Variants in PTAR1 observed in about 807,000 individuals in gnomAD.
PTAR1 encodes protein prenyltransferase alpha subunit repeat containing 1, also known as protein prenyltransferase alpha subunit repeat-containing protein 1.
In PTAR1, 17 loss-of-function variants were observed where a neutral mutation model predicts 45.5. The ratio of observed to expected loss-of-function variants is 0.37; its 90% CI spans 0.26 to 0.56. PTAR1 has a LOEUF of 0.56. Ranked by LOEUF, PTAR1 falls within the 20% of genes least tolerant of loss-of-function variation. PTAR1 has a pLI of 0.77. For synonymous variants in PTAR1, 169 were observed against 171.3 expected (o/e 0.99, Z 0.11); for missense variants, 391 against 476.3 (o/e 0.82, Z 1.67).
rs146068758 is a variant in PTAR1 at position 69,745,447 on chromosome 9, G to A, written c.257-3589C>T. Among the ~76,000 whole-genome samples the A allele has an allele frequency of 4.7e-4, 71 of 152,272 alleles. No individual in the cohort carries two copies. In the East Asian group the frequency reaches 0.013, roughly 29 times the overall value. On this transcript the variant is annotated intron_variant, in intron 2 of 7. Coordinates refer to ENST00000340434, the MANE Select transcript of PTAR1 (RefSeq NM_001099666.2). The stretch of plus-strand genomic sequence containing the variant: ...GACCAATGGTAGCTGCTATTTGTTT[G>A]TACTTCTAACACAATTTCCTTCCTC...
chr9:69,723,338 A>G lies in PTAR1; in HGVS notation c.935T>C (p.Leu312Pro). ...TCCCTTTTCTTACCTATGACACCAA[A>G]GGGTTTCATGTCCTGGGTAGGAATC... The part of the protein sequence containing the change: ...LIDSYPGHET[L>P]WCHRRHIFYL... Residue 312 changes from leucine (L) to proline (P), a missense_variant, in exon 6 of 8, where the codon CTT becomes CCT. This residue lies in a region of PTAR1 where 181 missense variants were observed against 227.7 expected (regional missense o/e 0.80). Transcript: ENST00000340434. 2 of 1,613,166 alleles carry G rather than the reference A, an allele frequency of 1.2e-6. No individual in the cohort carries two copies.
chr9:69,741,023 C>A (rs1260471315), intron 3 of PTAR1, among the ~76,000 whole-genome samples: 1 of 152,110 alleles, frequency 6.6e-6, no homozygotes, highest in Admixed American at 6.5e-5. Context: ...ATTTCAAGGG[C>A]TCAATAGCCA....
At chr9:69,730,685 T>C (rs187636372) in intron 5 of PTAR1, among the ~76,000 whole-genome samples, 6 of 150,496 alleles carry the variant, frequency 4.0e-5, no homozygotes, top group East Asian at 1.9e-4. Flanking sequence ...TTTGTAATTG[T>C]TGGTCTACTT....
At chr9:69,743,457 T>C (rs183295186) in intron 2 of PTAR1, among the ~76,000 whole-genome samples, 5 of 152,314 alleles carry the variant, frequency 3.3e-5, no homozygotes, top group Non-Finnish European at 4.4e-5. Flanking sequence ...TTTTATTCTA[T>C]CTTAATAGGA....
chr9:69,741,318 G>GTTT (rs1331697986), intron 3 of PTAR1, among the ~76,000 whole-genome samples: 1 of 152,058 alleles, frequency 6.6e-6, no homozygotes, highest in African/African-American at 2.4e-5. Flanking sequence ...ACCTAAATCT[G>GTTT]TTTCTCTTCC....
chr9:69,750,644 GGTTAGCACCCACCGAGACAGT>G (rs1451267521), intron 2 of PTAR1, 116 bp downstream of exon 2: 1 of 610,088 alleles, frequency 1.6e-6, no homozygotes, highest in East Asian at 2.9e-5. Context: ...TTGACAGAAA[GGTTAGCACCCACCGAGACAGT>G]GAACAGAAGA....
At position 69,729,705 on chromosome 9, in the gene PTAR1, C is replaced by T. The variant is rs147622498; in HGVS notation, c.642+2434G>A. Among the ~76,000 whole-genome samples, 340 of 152,268 alleles carry T rather than the reference C, an allele frequency of 2.2e-3. 2 individuals carry two copies. Among genetic ancestry groups the T allele is most frequent in the African/African-American group, 7.8e-3 (325 of 41,556 alleles). On this transcript the variant is annotated intron_variant, in intron 5 of 7. Coordinates refer to ENST00000340434, the MANE Select transcript of PTAR1 (RefSeq NM_001099666.2). ...AGGCTAAGCAACTTCCTCAAGGCTA[C>T]ACAGCAAATTGGTGGTAAAGCCAGA... is the stretch of plus-strand genomic sequence containing the variant.
intron 5 of PTAR1, among the ~76,000 whole-genome samples, chr9:69,730,461 C>A (rs924784566): frequency 4.6e-5 from 7 of 151,100 alleles, no homozygotes; most frequent in African/African-American, 1.5e-4. Context: ...TCCTTTTTAT[C>A]CCCAATCCTC....
At chr9:69,746,534 G>A (rs933850612) in intron 2 of PTAR1, among the ~76,000 whole-genome samples, 3 of 152,048 alleles carry the variant, frequency 2.0e-5, no homozygotes, top group Non-Finnish European at 2.9e-5. Context: ...TCAACAATAC[G>A]CCATTTCCTC....
intron 1 of PTAR1, 38 bp downstream of exon 1, chr9:69,759,815 C>T (rs1461144077): frequency 2.0e-6 from 3 of 1,505,428 alleles, no homozygotes; most frequent in Non-Finnish European, 2.7e-6. Flanking sequence ...CCGCCCGCTC[C>T]CGACGACCCT....
At position 69,712,318 on chromosome 9, in the gene PTAR1, T is replaced by C. The variant is rs1039603621; in HGVS notation, c.*6024A>G. 6.6e-6 allele frequency: 1 copy of C among 152,118 alleles called. No individual in the cohort carries two copies. Among genetic ancestry groups the C allele is most frequent in the Admixed American group, 6.6e-5 (1 of 15,258 alleles). 9.4% of individuals were successfully genotyped at this position (152,118 alleles called of 1,614,324 possible). On this transcript the variant is annotated 3_prime_UTR_variant, in exon 8 of 8. Transcript: ENST00000340434. ...TAACTATCTGGTTAATTTGGGCAAA[T>C]GAGCACTTGTGTTTGGTTTCTAACT...
At chr9:69,737,685 C>G (rs1393371175) in intron 3 of PTAR1, among the ~76,000 whole-genome samples, 2 of 152,114 alleles carry the variant, frequency 1.3e-5, no homozygotes, top group Admixed American at 1.3e-4. Context: ...TAAAAACTAC[C>G]ATGTATTGAA....
At chr9:69,720,219 A>G (rs1824931265) in intron 6 of PTAR1, among the ~76,000 whole-genome samples, 1 of 152,190 alleles carries the variant, frequency 6.6e-6, no homozygotes, top group Admixed American at 6.5e-5. Flanking sequence ...AAAGTTTTTG[A>G]AGGAAATTAA....
At chr9:69,757,972 C>T (rs1826867491) in intron 1 of PTAR1, 1 of 152,060 alleles carries the variant, frequency 6.6e-6, no homozygotes, top group South Asian at 2.1e-4. Context: ...ATGTTTAAGA[C>T]CTATATTACA....
intron 4 of PTAR1, among the ~76,000 whole-genome samples, chr9:69,732,671 G>GGT (rs910920500): frequency 1.7e-4 from 26 of 151,144 alleles, no homozygotes; most frequent in South Asian, 6.3e-4. Context: ...AAAGGCAATT[G>GGT]GTGTGTGTGT....
In PTAR1 at chr9:69,714,063, A is replaced by T. The variant is rs11139928; in HGVS notation, c.*4279T>A. On this transcript the variant is annotated 3_prime_UTR_variant, in exon 8 of 8. Transcript: ENST00000340434. ...AAAAGACACTATGTGACAATAAGGA[A>T]TTCTTAGGGTTGATTTTTCTTCATT... 62,120 of 151,850 alleles carry T rather than the reference A, an allele frequency of 0.41. 13,023 individuals are homozygous for T. The highest frequency in any genetic ancestry group is 0.48 in the East Asian group (2,497 of 5,156). The allele number at this position is 151,850 out of a possible 1,614,324, so 9.4% of individuals were successfully genotyped here.
At chr9:69,724,187 T>C (rs566618010) in intron 5 of PTAR1, among the ~76,000 whole-genome samples, 1 of 152,176 alleles carries the variant, frequency 6.6e-6, no homozygotes, top group South Asian at 2.1e-4. Flanking sequence ...AAAAACATGA[T>C]GCACTAATAA....
chr9:69,736,241 T>C (rs548850026), intron 3 of PTAR1, among the ~76,000 whole-genome samples: 83 of 152,274 alleles, frequency 5.5e-4, no homozygotes, highest in African/African-American at 2.0e-3. Flanking sequence ...CACAGCAATA[T>C]GTGTTTTAAA....
chr9:69,730,503 CAA>C (rs1825485275), intron 5 of PTAR1, among the ~76,000 whole-genome samples: 1 of 151,056 alleles, frequency 6.6e-6, no homozygotes, highest in African/African-American at 2.4e-5. Context: ...CACACACTAT[CAA>C]GTCATGGATC....
Sources: gnomAD v4.1 joint callset for allele counts (sites outside exome capture counted in the v4.1 genomes callset) on GRCh38, gnomAD v4.1.1 for gene constraint, gnomAD v4.1.1 regional missense constraint, MANE v1.5 for transcripts, NCBI Gene and HGNC (gene_info 2026-07-23, HGNC 2026-07-21) for gene names.